MBD5: variants seen among roughly 807,000 people sequenced by gnomAD.
The protein encoded by MBD5 is methyl-CpG binding domain protein 5.
A neutral mutation model predicts 117.3 loss-of-function variants in MBD5; 13 were observed. The observed-to-expected ratio is 0.11, with a 90% CI of 0.07 to 0.18. The LOEUF (loss-of-function observed/expected upper bound fraction) is 0.18, where lower values mean the gene tolerates loss of function less well. Ranked by LOEUF, MBD5 falls within the 10% of genes least tolerant of loss-of-function variation. The probability of loss-of-function intolerance (pLI) is 1.00; values close to 1 mark genes in which losing one functional copy is unlikely to be tolerated. For synonymous variants in MBD5, 727 were observed against 766.4 expected (o/e 0.95, Z 0.85); for missense variants, 1,879 against 2,093.8 (o/e 0.90, Z 2.00).
chr2:148,156,548 C>T (rs919166673), intron 1 of MBD5, among the ~76,000 whole-genome samples: 1 of 152,240 alleles, frequency 6.6e-6, no homozygotes, highest in Non-Finnish European at 1.5e-5. Context: ...ACCAACACTT[C>T]TGTATGATCT....
chr2:148,051,058 G>A (rs183331940), intron 1 of MBD5, among the ~76,000 whole-genome samples: 1 of 152,264 alleles, frequency 6.6e-6, no homozygotes, highest in African/African-American at 2.4e-5. Context: ...TCCATGAACA[G>A]TATGTCTTTT....
At chr2:148,290,144 G>A (rs1226702039) in intron 3 of MBD5, among the ~76,000 whole-genome samples, 1 of 147,938 alleles carries the variant, frequency 6.8e-6, no homozygotes, top group African/African-American at 2.5e-5. Context: ...TTTTAGTAGA[G>A]ACAGTGTTTC....
intron 4 of MBD5, among the ~76,000 whole-genome samples, chr2:148,371,947 C>T (rs1703865072): frequency 6.6e-6 from 1 of 152,092 alleles, no homozygotes; most frequent in Non-Finnish European, 1.5e-5. Flanking sequence ...ATATCATATA[C>T]ATATGTACCA....
At chr2:148,118,961 A>C (rs1042717440) in intron 1 of MBD5, among the ~76,000 whole-genome samples, 5 of 152,066 alleles carry the variant, frequency 3.3e-5, no homozygotes, top group Non-Finnish European at 7.3e-5. Context: ...TTCCACCTTT[A>C]CTTTTATGAG....
chr2:148,091,431 A>C (rs1390636512), intron 1 of MBD5, among the ~76,000 whole-genome samples: 2 of 152,210 alleles, frequency 1.3e-5, no homozygotes, highest in Non-Finnish European at 2.9e-5. Flanking sequence ...TAGTTACCAA[A>C]ACAGCATGGT....
chr2:148,433,518 T>A (rs1262575668), intron 4 of MBD5, among the ~76,000 whole-genome samples: 1 of 152,026 alleles, frequency 6.6e-6, no homozygotes, highest in Admixed American at 6.6e-5. Context: ...CTTTGAAGTA[T>A]GTTCCTTCAA....
chr2:148,324,772 A>G (rs1299991476), intron 3 of MBD5, among the ~76,000 whole-genome samples: 5 of 152,120 alleles, frequency 3.3e-5, no homozygotes, highest in South Asian at 2.1e-4. Context: ...CAATCATGTC[A>G]TCTGCAAACA....
At chr2:148,139,632 C>G (rs554434470) in intron 1 of MBD5, among the ~76,000 whole-genome samples, 3 of 152,202 alleles carry the variant, frequency 2.0e-5, no homozygotes, top group Admixed American at 6.5e-5. Flanking sequence ...TCCATAGATA[C>G]GATTTTTTCA....
intron 2 of MBD5, among the ~76,000 whole-genome samples, chr2:148,200,341 T>TA (rs915768161): frequency 1.1e-4 from 17 of 152,216 alleles, no homozygotes; most frequent in African/African-American, 3.9e-4. Flanking sequence ...CCAGTTTTTA[T>TA]AAAAATGTAG....
intron 3 of MBD5, among the ~76,000 whole-genome samples, chr2:148,257,335 G>T (rs944589042): frequency 6.6e-6 from 1 of 152,218 alleles, no homozygotes; most frequent in African/African-American, 2.4e-5. Flanking sequence ...TCCCTGCTTT[G>T]TTAATCAATG....
intron 4 of MBD5, among the ~76,000 whole-genome samples, chr2:148,394,488 T>A (rs138780662): frequency 2.6e-4 from 40 of 151,998 alleles, no homozygotes; most frequent in African/African-American, 9.6e-4. Flanking sequence ...ACCATTCTTA[T>A]GTTTCTTAAT....
intron 4 of MBD5, among the ~76,000 whole-genome samples, chr2:148,342,693 G>A (rs910036528): frequency 6.6e-6 from 1 of 151,744 alleles, no homozygotes; most frequent in Non-Finnish European, 1.5e-5. Context: ...GACACCATAG[G>A]GCTTAAATGG....
chr2:148,435,626 G>T (rs1419923022), intron 4 of MBD5, among the ~76,000 whole-genome samples: 1 of 152,160 alleles, frequency 6.6e-6, no homozygotes, highest in Admixed American at 6.6e-5. Context: ...AGCCTGAAGA[G>T]ATTTCCCTTG....
intron 5 of MBD5, among the ~76,000 whole-genome samples, chr2:148,461,647 T>A (rs1388063049): frequency 6.6e-6 from 1 of 152,206 alleles, no homozygotes; most frequent in East Asian, 1.9e-4. Context: ...GAAAAGTATA[T>A]AATTTCAAAG....
chr2:148,388,692 A>G (rs1032352265), intron 4 of MBD5, among the ~76,000 whole-genome samples: 1 of 152,168 alleles, frequency 6.6e-6, no homozygotes, highest in Non-Finnish European at 1.5e-5. Flanking sequence ...CTTGGCTTGC[A>G]GACAGCTGCA....
At chr2:148,344,962 G>A (rs1703050318) in intron 4 of MBD5, among the ~76,000 whole-genome samples, 1 of 151,742 alleles carries the variant, frequency 6.6e-6, no homozygotes, top group African/African-American at 2.4e-5. Context: ...AGGGTTCCAT[G>A]ACATATAACC....
intron 12 of MBD5, among the ~76,000 whole-genome samples, chr2:148,506,053 A>G (rs921729351): frequency 6.6e-6 from 1 of 152,210 alleles, no homozygotes; most frequent in South Asian, 2.1e-4. Flanking sequence ...AAAGAAAATT[A>G]TCTGTTATTT....
intron 3 of MBD5, among the ~76,000 whole-genome samples, chr2:148,288,994 A>T (rs1181018782): frequency 6.6e-6 from 1 of 152,150 alleles, no homozygotes; most frequent in African/African-American, 2.4e-5. Context: ...TTTGACAAAT[A>T]ATTGTGTGCA....
rs1681254324 is a variant in MBD5, at chr2:148,484,001, C to A, written c.3410C>A (p.Thr1137Lys). Reference sequence around the variant, plus strand: ...CTGACTGTCTCAACACTTGGTGGGACAGCAGTGGTGTCAATGGCAGAAACA... The same window carrying A: ...CTGACTGTCTCAACACTTGGTGGGAAAGCAGTGGTGTCAATGGCAGAAACA... ...AALTVSTLGG[T>K]AVVSMAETLL... The change falls in exon 9 of 14, where the codon ACA (threonine) becomes AAA (lysine). Residue 1137 changes from threonine to lysine, a missense_variant. Thr to Lys is a moderately conservative substitution (Grantham distance 78, BLOSUM62 -1). Around this residue, in one of 4 missense-constraint regions of MBD5, gnomAD observed 1,666 missense variants for 1,792.2 expected, o/e 0.93. Transcript: ENST00000642680. 6.5e-7 allele frequency: 1 copy of A among 1,550,358 alleles called. No individual in the cohort carries two copies. Among genetic ancestry groups the A allele is most frequent in the African/African-American group, 1.4e-5 (1 of 73,028 alleles).
Sources: allele counts gnomAD v4.1 joint callset (sites outside exome capture counted in the v4.1 genomes callset), GRCh38; gene constraint gnomAD v4.1.1; regional missense constraint gnomAD v4.1.1; transcripts MANE v1.5; gene names NCBI Gene and HGNC (gene_info 2026-07-23, HGNC 2026-07-21).